Variants in FAM124B observed in about 807,000 individuals in gnomAD.
FAM124B encodes the protein family with sequence similarity 124 member B.
Under a neutral mutation model 19.7 loss-of-function variants are expected in FAM124B, and 18 were observed. That is an observed-to-expected ratio of 0.92 (90% CI 0.63 to 1.36). The LOEUF (loss-of-function observed/expected upper bound fraction) is 1.36. Among genes scored for constraint, FAM124B ranks in the 40% most tolerant of loss-of-function variants. The pLI is 0.00. For missense variants in FAM124B, 540 were observed against 553.3 expected (o/e 0.98, Z 0.24); for synonymous variants, 223 against 225.2 (o/e 0.99, Z 0.09).
At chr2:224,388,167 T>C (rs1010224694) in intron 1 of FAM124B, among the ~76,000 whole-genome samples, 1 of 152,096 alleles carries the variant, frequency 6.6e-6, no homozygotes, top group Admixed American at 6.6e-5. Context: ...AACGGGAAAA[T>C]ATATAATCAG....
At position 224,381,143 on chromosome 2, in the gene FAM124B, C is replaced by T. The variant is rs762993607; in HGVS notation, c.733-935G>A. On this transcript the variant is annotated intron_variant, in intron 1 of 1. Coordinates refer to ENST00000409685, the MANE Select transcript of FAM124B (RefSeq NM_001122779.2). ...TAATCAAATATCAAGAAGAATGATA[C>T]GGAAGAACTTGCAATAAATACTACT... 3.5e-4 allele frequency among the ~76,000 whole-genome samples: 54 copies of T among 152,258 alleles called. 1 individual carries two copies. Among genetic ancestry groups the T allele is most frequent in the East Asian group, 1.9e-3 (10 of 5,180 alleles).
chr2:224,382,545 G>A (rs1689739646), intron 1 of FAM124B, among the ~76,000 whole-genome samples: 1 of 151,560 alleles, frequency 6.6e-6, no homozygotes, highest in Non-Finnish European at 1.5e-5. Context: ...TAGTAGCTAG[G>A]GTTACAGGCA....
chr2:224,401,316 G>T lies in FAM124B; in HGVS notation c.453C>A (p.Asp151Glu), dbSNP rs755464550. Residue 151 changes from aspartate to glutamate, a missense_variant, in exon 1 of 2, where the codon GAC (aspartate) becomes GAA (glutamate). Coordinates refer to ENST00000409685, the MANE Select transcript of FAM124B (RefSeq NM_001122779.2). ...GGATCATCTCGTAGAGTCTGATGGCGTCTTCATAGTTATCAAAACTGCAGT... is the reference window on the plus strand; with the variant it reads ...GGATCATCTCGTAGAGTCTGATGGCTTCTTCATAGTTATCAAAACTGCAGT... ...TLYCSFDNYE[D>E]AIRLYEMILQ... is the part of the protein sequence containing the mutation. 1 of 1,613,870 alleles carries T rather than the reference G, an allele frequency of 6.2e-7. No homozygotes were observed. Among genetic ancestry groups the T allele is most frequent in the Non-Finnish European group, 8.5e-7 (1 of 1,180,020 alleles).
chr2:224,391,271 G>A (rs1689883007), intron 1 of FAM124B, among the ~76,000 whole-genome samples: 1 of 150,434 alleles, frequency 6.6e-6, no homozygotes, highest in Non-Finnish European at 1.5e-5. Context: ...AACCCGGGAG[G>A]CGGAGGTTGC....
chr2:224,401,670 A>G lies in FAM124B; in HGVS notation c.99T>C (p.Asp33=). 1.2e-6 allele frequency: 2 copies of G among 1,614,218 alleles called. No homozygotes were observed. Among genetic ancestry groups the G allele is most frequent in the Non-Finnish European group, 1.7e-6 (2 of 1,180,038 alleles). Residue 33 remains aspartate, a synonymous_variant, in exon 1 of 2, where the codon GAT becomes GAC. Coordinates refer to ENST00000409685, the MANE Select transcript of FAM124B (RefSeq NM_001122779.2). ...LLQRTLDQLL[D]CICPEVRLFQ... ...AGAGCCGGACCTCTGGGCAAATGCA[A>G]TCCAGGAGCTGGTCCAGAGTCCTCT...
chr2:224,385,346 A>G (rs1689786917), intron 1 of FAM124B, among the ~76,000 whole-genome samples: 1 of 152,116 alleles, frequency 6.6e-6, no homozygotes, highest in South Asian at 2.1e-4. Context: ...CTTGGCCAAT[A>G]AATTCCACTG....
chr2:224,400,540 A>G (rs1456728167), intron 1 of FAM124B: 9 of 685,136 alleles, frequency 1.3e-5, no homozygotes, highest in Non-Finnish European at 2.4e-5. Flanking sequence ...TAAAAAAACC[A>G]TATCTAAACA....
intron 1 of FAM124B, chr2:224,400,584 G>A (rs1690051444): frequency 6.1e-6 from 4 of 652,186 alleles, no homozygotes; most frequent in African/African-American, 3.6e-5. Context: ...AGTCAGATTA[G>A]AAGAGCTTGT....
intron 1 of FAM124B, among the ~76,000 whole-genome samples, chr2:224,387,727 G>A (rs57046992): frequency 0.16 from 24,802 of 151,780 alleles, 2,378 homozygotes; most frequent in East Asian, 0.45. Context: ...TATGATGGGG[G>A]TGGAGCTGGA....
rs931720325 is a variant in FAM124B, at chr2:224,391,227, G to A, written c.732+9810C>T. 2.8e-4 allele frequency among the ~76,000 whole-genome samples: 43 copies of A among 150,888 alleles called. 1 individual carries two copies. Among genetic ancestry groups the A allele is most frequent in the Admixed American group, 2.4e-3 (36 of 15,202 alleles). ...ATGGTGCCGCACACCTATAGTTCCA[G>A]CTACTGGGGAGGCTGGGGCAGGAGA... On this transcript the variant is annotated intron_variant, in intron 1 of 1. Coordinates refer to ENST00000409685, the MANE Select transcript of FAM124B (RefSeq NM_001122779.2).
rs752734084 is a variant in FAM124B, at chr2:224,401,662, C to T, written c.107G>A (p.Cys36Tyr). 1.5e-5 allele frequency: 25 copies of T among 1,614,188 alleles called. No homozygotes were observed. The Admixed American group carries it at 2.0e-4, about 13-fold the overall frequency. ...RTLDQLLDCI[C>Y]PEVRLFQVSE... Reference sequence around the variant, plus strand: ...CACCTGAAAGAGCCGGACCTCTGGGCAAATGCAATCCAGGAGCTGGTCCAG... The same window carrying T: ...CACCTGAAAGAGCCGGACCTCTGGGTAAATGCAATCCAGGAGCTGGTCCAG... The change falls in exon 1 of 2, where the codon TGC becomes TAC. Residue 36 changes from cysteine (C) to tyrosine (Y), a missense_variant. Transcript: ENST00000409685.
rs375941958 is a variant in FAM124B at position 224,379,988 on chromosome 2, C to G, written c.953G>C (p.Gly318Ala). 9 of 1,551,604 alleles carry G rather than the reference C, an allele frequency of 5.8e-6. No individual in the cohort carries two copies. The highest frequency in any genetic ancestry group is 7.8e-6 in the Non-Finnish European group (9 of 1,147,020). ...TGGGCTGCTGACCTGGAATGACCGG[C>G]CAGGGCTTTTCCACGAAGTGCCAGC... ...RCAGTSWKSP[G>A]RSFQVSSPAM... Residue 318 changes from glycine to alanine, a missense_variant, in exon 2 of 2, where the codon GGC becomes GCC. Transcript: ENST00000409685.
At chr2:224,399,196 A>G (rs773087208) in intron 1 of FAM124B, among the ~76,000 whole-genome samples, 5 of 152,236 alleles carry the variant, frequency 3.3e-5, no homozygotes, top group Admixed American at 2.0e-4. Flanking sequence ...AGCCTTAAAG[A>G]CAGGAATGAT....
intron 1 of FAM124B, among the ~76,000 whole-genome samples, chr2:224,382,405 CTTTT>C (rs71062905): frequency 2.8e-5 from 3 of 106,410 alleles, no homozygotes; most frequent in Admixed American, 1.0e-4. Flanking sequence ...GATTCCCTGT[CTTTT>C]TTTTTTTTTT....
chr2:224,394,806 C>T (rs1689944521), intron 1 of FAM124B, among the ~76,000 whole-genome samples: 1 of 152,208 alleles, frequency 6.6e-6, no homozygotes, highest in African/African-American at 2.4e-5. Context: ...CATCCTCAGT[C>T]AATTTCACCT....
chr2:224,381,437 CAG>C (rs899112976), intron 1 of FAM124B, among the ~76,000 whole-genome samples: 7 of 150,434 alleles, frequency 4.7e-5, no homozygotes, highest in African/African-American at 1.5e-4. Flanking sequence ...GCCTGGGTGA[CAG>C]AGAGAGACTA....
chr2:224,388,711 G>A (rs942918730), intron 1 of FAM124B, among the ~76,000 whole-genome samples: 4 of 152,060 alleles, frequency 2.6e-5, no homozygotes, highest in South Asian at 2.1e-4. Flanking sequence ...TAGTTAAGAT[G>A]GTAAATGTAT....
In FAM124B at chr2:224,401,327, T is replaced by C; in HGVS notation, c.442A>G (p.Asn148Asp). The C allele has an allele frequency of 6.2e-7, 1 of 1,613,820 alleles. No individual in the cohort carries two copies. Among genetic ancestry groups the C allele is most frequent in the African/African-American group, 1.3e-5 (1 of 74,916 alleles). ...LRVTLYCSFDNYEDAIRLYEM... is the reference protein window; with the variant it reads ...LRVTLYCSFDDYEDAIRLYEM... ...TAGAGTCTGATGGCGTCTTCATAGTTATCAAAACTGCAGTACAGCGTCACC... is the reference window on the plus strand; with the variant it reads ...TAGAGTCTGATGGCGTCTTCATAGTCATCAAAACTGCAGTACAGCGTCACC... Residue 148 changes from asparagine (N) to aspartate (D), a missense_variant, in exon 1 of 2, where the codon AAC becomes GAC. Coordinates refer to ENST00000409685, the MANE Select transcript of FAM124B (RefSeq NM_001122779.2).
chr2:224,395,098 A>C (rs1159444499), intron 1 of FAM124B, among the ~76,000 whole-genome samples: 2 of 152,164 alleles, frequency 1.3e-5, no homozygotes, highest in Non-Finnish European at 2.9e-5. Context: ...ACAGAATGAG[A>C]AGATCACCAA....
Sources: allele counts gnomAD v4.1 joint callset (sites outside exome capture counted in the v4.1 genomes callset), GRCh38; gene constraint gnomAD v4.1.1; transcripts MANE v1.5; gene names NCBI Gene and HGNC (gene_info 2026-07-23, HGNC 2026-07-21).